Variants in DLGAP2 observed in about 807,000 individuals in gnomAD.
DLGAP2 encodes the protein disks large-associated protein 2.
In DLGAP2, 26 loss-of-function variants were observed where a neutral mutation model predicts 100.3. The observed-to-expected ratio is 0.26, with a 90% CI of 0.19 to 0.36. The LOEUF (loss-of-function observed/expected upper bound fraction) is 0.36. Among genes scored for constraint, DLGAP2 ranks in the 10% least tolerant of loss-of-function variants. DLGAP2 has a pLI of 1.00. For missense variants in DLGAP2, 1,858 were observed against 1,453.2 expected (o/e 1.28, Z -4.53); for synonymous variants, 886 against 630.1 (o/e 1.41, Z -6.08).
At chr8:1,619,055 A>G (rs142523356) in intron 6 of DLGAP2, among the ~76,000 whole-genome samples, 84 of 152,322 alleles carry the variant, frequency 5.5e-4, no homozygotes, top group Admixed American at 9.8e-4. Flanking sequence ...AAAAGACACA[A>G]CTAAGAAAAT....
chr8:1,604,185 C>T (rs936981363), intron 6 of DLGAP2, among the ~76,000 whole-genome samples: 1 of 152,172 alleles, frequency 6.6e-6, no homozygotes, highest in Admixed American at 6.5e-5. Context: ...AATCATTTTC[C>T]TGGAAACATT....
At chr8:1,688,900 A>G (rs559963023) in intron 12 of DLGAP2, among the ~76,000 whole-genome samples, 103 of 152,184 alleles carry the variant, frequency 6.8e-4, no homozygotes, top group Non-Finnish European at 1.2e-3. Context: ...GTCATTTTCA[A>G]CTGGCTCATA....
chr8:1,457,043 T>C (rs1260970031), intron 3 of DLGAP2, among the ~76,000 whole-genome samples: 1 of 152,202 alleles, frequency 6.6e-6, no homozygotes, highest in African/African-American at 2.4e-5. Context: ...ATCACAGGGC[T>C]TCATTTCAAT....
chr8:1,296,742 G>C lies in DLGAP2; in HGVS notation c.106+37859G>C, dbSNP rs148909433. ...CGTCAAAGGCTCTTTGGGTTCGCTT[G>C]CGGGAAACGTGGTAAGTGAGTCCCT... On this transcript the variant is annotated intron_variant, in intron 3 of 14. Coordinates refer to ENST00000637795, the MANE Select transcript of DLGAP2 (RefSeq NM_001346810.2). 7.2e-5 allele frequency among the ~76,000 whole-genome samples: 11 copies of C among 152,318 alleles called. No homozygotes were observed. The East Asian group carries it at 1.9e-3, about 27-fold the overall frequency.
Position 1,350,287 on chromosome 8 carries a change from A to ACAGTGTGTGGAAAG in DLGAP2, c.106+91404_106+91405insCAGTGTGTGGAAAG, listed in dbSNP as rs1563099107. ...GTGTGGAACGGCCGTGCGGGTCCTGAGCGTGCGTGGAAAGGCCGTGCGGGT... is the reference window on the plus strand; with the variant it reads ...GTGTGGAACGGCCGTGCGGGTCCTGACAGTGTGTGGAAAGGCGTGCGTGGAAAGGCCGTGCGGGT... On this transcript the variant is annotated intron_variant, in intron 3 of 14. Transcript: ENST00000637795. Among the ~76,000 whole-genome samples, 29 of 88,862 alleles carry ACAGTGTGTGGAAAG rather than the reference A, an allele frequency of 3.3e-4. 2 individuals are homozygous for ACAGTGTGTGGAAAG. The highest frequency in any genetic ancestry group is 4.4e-4 in the Non-Finnish European group (19 of 42,808). 58.3% of individuals were successfully genotyped at this position (88,862 alleles called of 152,430 possible).
At chr8:1,380,467 C>G (rs1448587252) in intron 3 of DLGAP2, among the ~76,000 whole-genome samples, 1 of 152,168 alleles carries the variant, frequency 6.6e-6, no homozygotes, top group Non-Finnish European at 1.5e-5. Flanking sequence ...ATAAAACTCA[C>G]CCCTCCAGTT....
chr8:753,276 G>A (rs1433420152), intron 1 of DLGAP2, among the ~76,000 whole-genome samples: 2 of 152,170 alleles, frequency 1.3e-5, no homozygotes, highest in African/African-American at 4.8e-5. Context: ...TTACAAACGC[G>A]TCTTTGGAGG....
At chr8:1,005,762 T>C (rs553771757) in intron 2 of DLGAP2, among the ~76,000 whole-genome samples, 1 of 152,246 alleles carries the variant, frequency 6.6e-6, no homozygotes, top group South Asian at 2.1e-4. Flanking sequence ...CCCTGGGAAC[T>C]GCAGACACCA....
chr8:869,845 T>A (rs561342728), intron 1 of DLGAP2, among the ~76,000 whole-genome samples: 6 of 152,042 alleles, frequency 3.9e-5, no homozygotes, highest in African/African-American at 1.4e-4. Flanking sequence ...CGGGACACGT[T>A]CTGAACAGCA....
chr8:921,310 G>A lies in DLGAP2; in HGVS notation c.73+13344G>A, dbSNP rs148735380. ...GGTCAGACCCGTCCTCCCTGTTGCA[G>A]TGTTGAGTGTGGATGCGTGTCTATG... On this transcript the variant is annotated intron_variant, in intron 2 of 14. Coordinates refer to ENST00000637795, the MANE Select transcript of DLGAP2 (RefSeq NM_001346810.2). Among the ~76,000 whole-genome samples, 513 of 152,284 alleles carry A rather than the reference G, an allele frequency of 3.4e-3. 3 individuals are homozygous for A. The highest frequency in any genetic ancestry group is 0.011 in the African/African-American group (455 of 41,540).
chr8:1,040,882 G>T (rs1003061670), intron 2 of DLGAP2, among the ~76,000 whole-genome samples: 4 of 152,162 alleles, frequency 2.6e-5, no homozygotes, highest in African/African-American at 7.2e-5. Flanking sequence ...TCCTCAGCAC[G>T]CACCCTCATT....
intron 1 of DLGAP2, among the ~76,000 whole-genome samples, chr8:853,798 C>G (rs1185507974): frequency 6.6e-6 from 1 of 152,154 alleles, no homozygotes; most frequent in Non-Finnish European, 1.5e-5. Context: ...ATTACAGAAA[C>G]AAGGCAGTTT....
At chr8:1,539,773 G>A (rs959695988) in intron 4 of DLGAP2, among the ~76,000 whole-genome samples, 13 of 152,196 alleles carry the variant, frequency 8.5e-5, no homozygotes, top group African/African-American at 3.1e-4. Flanking sequence ...AAGACCTTCT[G>A]TGTGGATGTG....
At chr8:1,075,180 G>T (rs868206797) in intron 2 of DLGAP2, among the ~76,000 whole-genome samples, 3 of 152,224 alleles carry the variant, frequency 2.0e-5, no homozygotes, top group African/African-American at 4.8e-5. Context: ...CTTTTCGGAT[G>T]AGTGGGAGTT....
chr8:1,123,013 A>G (rs567967003), intron 2 of DLGAP2, among the ~76,000 whole-genome samples: 25 of 152,284 alleles, frequency 1.6e-4, no homozygotes, highest in African/African-American at 5.3e-4. Flanking sequence ...GCATAATTCT[A>G]TGCCTTCAAA....
At chr8:1,183,995 G>T in intron 2 of DLGAP2, among the ~76,000 whole-genome samples, 1 of 152,160 alleles carries the variant, frequency 6.6e-6, no homozygotes, top group East Asian at 1.9e-4. Flanking sequence ...AAACATTTCT[G>T]TAGCTTTTCA....
intron 3 of DLGAP2, among the ~76,000 whole-genome samples, chr8:1,425,729 C>T (rs1453534234): frequency 6.6e-6 from 1 of 152,074 alleles, no homozygotes; most frequent in South Asian, 2.1e-4. Flanking sequence ...GCTCATGAAC[C>T]AAGATAAGGA....
chr8:1,130,655 C>T (rs562582728), intron 2 of DLGAP2, among the ~76,000 whole-genome samples: 1 of 152,258 alleles, frequency 6.6e-6, no homozygotes, highest in Non-Finnish European at 1.5e-5. Context: ...CCAGAGGCTG[C>T]ACAGCAGCAT....
intron 3 of DLGAP2, among the ~76,000 whole-genome samples, chr8:1,500,900 C>T (rs1472510918): frequency 6.6e-6 from 1 of 152,186 alleles, no homozygotes. Flanking sequence ...AGGCTTTGAA[C>T]ATTGCAAAAT....
Sources: gnomAD v4.1 joint callset for allele counts (sites outside exome capture counted in the v4.1 genomes callset) on GRCh38, gnomAD v4.1.1 for gene constraint, MANE v1.5 for transcripts, NCBI Gene and HGNC (gene_info 2026-07-23, HGNC 2026-07-21) for gene names.